Variants in TCAF1 observed in about 807,000 individuals in gnomAD.
TCAF1 encodes TRPM8 channel associated factor 1.
Under a neutral mutation model 27.3 loss-of-function variants are expected in TCAF1, and 4 were observed. The observed-to-expected ratio is 0.15, with a 90% CI of 0.07 to 0.34. The LOEUF is 0.34. Among genes scored for constraint, TCAF1 ranks in the 10% least tolerant of loss-of-function variants. TCAF1 has a pLI of 1.00. For missense variants in TCAF1, 257 were observed against 425.8 expected, an observed-to-expected ratio of 0.60 and a Z score of 3.49; for synonymous variants, 105 against 167.1, an observed-to-expected ratio of 0.63 and a Z score of 2.87.
intron 1 of TCAF1, among the ~76,000 whole-genome samples, chr7:143,892,700 A>G (rs1199459518): frequency 6.6e-6 from 1 of 152,054 alleles, no homozygotes; most frequent in East Asian, 1.9e-4. Context: ...TCTAACCCCC[A>G]ATGGAATGGT....
chr7:143,883,500 C>CTTTTTTTTTTTTTT (rs374825743), intron 1 of TCAF1, among the ~76,000 whole-genome samples: 7 of 98,092 alleles, frequency 7.1e-5, no homozygotes, highest in East Asian at 3.1e-4. Context: ...TTTCCTTTTT[C>CTTTTTTTTTTTTTT]TTTTTTTTTT....
intron 2 of TCAF1, among the ~76,000 whole-genome samples, chr7:143,873,317 TA>T (rs1812535524): frequency 1.2e-5 from 1 of 85,338 alleles, no homozygotes; most frequent in South Asian, 4.9e-4. Context: ...GTGATAATTT[TA>T]AAAATGGGAT....
chr7:143,891,214 T>C (rs1488582050), intron 1 of TCAF1, among the ~76,000 whole-genome samples: 1 of 152,164 alleles, frequency 6.6e-6, no homozygotes, highest in Non-Finnish European at 1.5e-5. Context: ...ATCAAAACCT[T>C]TATATTTTTT....
chr7:143,859,942 T>TGGAATATATATTAC (rs1563211513), intron 6 of TCAF1, among the ~76,000 whole-genome samples: 1 of 75,946 alleles, frequency 1.3e-5, no homozygotes. Flanking sequence ...ATATATATTA[T>TGGAATATATATTAC]ATAATATATA....
In TCAF1 at chr7:143,851,548, G is replaced by A. The variant is rs200831739; in HGVS notation, c.*2585C>T. ...CTTTTAACAATATTTATTTTAGATC[G>A]TCTGGTAACTTTCTAACTTTAAATA... is the stretch of plus-strand genomic sequence containing the variant. On this transcript the variant is annotated 3_prime_UTR_variant, in exon 9 of 9. Transcript: ENST00000479870. 10 of 152,292 alleles carry A rather than the reference G, an allele frequency of 6.6e-5. No homozygotes were observed. The highest frequency in any genetic ancestry group is 5.8e-4 in the East Asian group (3 of 5,208). 9.4% of individuals were successfully genotyped at this position (152,292 alleles called of 1,614,324 possible). A position where few individuals can be genotyped will look rare whatever the true frequency, so the allele number is the denominator to read the frequency against.
Sources: allele counts gnomAD v4.1 joint callset (sites outside exome capture counted in the v4.1 genomes callset), GRCh38; gene constraint gnomAD v4.1.1; transcripts MANE v1.5; gene names NCBI Gene and HGNC (gene_info 2026-07-23, HGNC 2026-07-21).